GPR158: variants seen among roughly 807,000 people sequenced by gnomAD.
GPR158 encodes the protein metabotropic glycine receptor.
GPR158 carries 30 observed loss-of-function variants against 78.2 expected under a neutral mutation model. The observed-to-expected ratio is 0.38, with a 90% confidence interval of 0.29 to 0.52. The LOEUF (loss-of-function observed/expected upper bound fraction) is 0.52, where lower values mean the gene tolerates loss of function less well. Among genes scored for constraint, GPR158 ranks in the 20% least tolerant of loss-of-function variants. GPR158 has a pLI of 0.83. For synonymous variants in GPR158, 581 were observed against 591.1 expected (o/e 0.98, Z 0.25); for missense variants, 1,463 against 1,523.5 (o/e 0.96, Z 0.66).
At position 25,518,588 on chromosome 10, in the gene GPR158, G is replaced by A. The variant is rs1354027099; in HGVS notation, c.1405-32388G>A. Among the ~76,000 whole-genome samples, 53 of 22,206 alleles carry A rather than the reference G, an allele frequency of 2.4e-3. 8 individuals carry two copies. In the South Asian group the frequency reaches 0.026, roughly 11 times the overall value. The allele number at this position is 22,206 out of a possible 152,430, so 14.6% of individuals were successfully genotyped here. A position where few individuals can be genotyped will look rare whatever the true frequency, so the allele number is the denominator to read the frequency against. ...GTATGTGGTGTCTTTGTTCTCATTG[G>A]TTTCAAAGAACATCTTTATTTCTGC... is the stretch of plus-strand genomic sequence containing the variant. On this transcript the variant is annotated intron_variant, in intron 5 of 10. Transcript: ENST00000376351.
chr10:25,456,326 G>A (rs762884966), intron 4 of GPR158, among the ~76,000 whole-genome samples: 2 of 152,146 alleles, frequency 1.3e-5, no homozygotes, highest in African/African-American at 4.8e-5. Context: ...GTCCTGGAAT[G>A]TTTAGGCTAT....
At chr10:25,268,176 A>G (rs1204496124) in intron 2 of GPR158, among the ~76,000 whole-genome samples, 1 of 152,182 alleles carries the variant, frequency 6.6e-6, no homozygotes, top group Non-Finnish European at 1.5e-5. Context: ...AATCAAATGA[A>G]TACTCAATAA....
At chr10:25,341,514 A>G (rs61855505) in intron 2 of GPR158, among the ~76,000 whole-genome samples, 3,120 of 152,090 alleles carry the variant, frequency 0.021, 55 homozygotes, top group Non-Finnish European at 0.029. Context: ...AAAATGAAAT[A>G]ATAAATAATG....
chr10:25,222,173 G>T (rs1034224014), intron 2 of GPR158, among the ~76,000 whole-genome samples: 1 of 151,558 alleles, frequency 6.6e-6, no homozygotes, highest in Non-Finnish European at 1.5e-5. Context: ...CACCCACCAC[G>T]CATACTCCTG....
chr10:25,470,691 AT>A (rs1175070066), intron 5 of GPR158, among the ~76,000 whole-genome samples: 1 of 152,232 alleles, frequency 6.6e-6, no homozygotes, highest in African/African-American at 2.4e-5. Context: ...CACTTCCTGT[AT>A]AAATGGAGTG....
intron 2 of GPR158, among the ~76,000 whole-genome samples, chr10:25,391,751 C>T (rs1834301327): frequency 6.6e-6 from 1 of 152,086 alleles, no homozygotes; most frequent in African/African-American, 2.4e-5. Flanking sequence ...CTTTGGGGAA[C>T]AGTTGGGAAG....
chr10:25,426,306 A>G (rs1834819303), intron 4 of GPR158, among the ~76,000 whole-genome samples: 1 of 152,114 alleles, frequency 6.6e-6, no homozygotes, highest in Non-Finnish European at 1.5e-5. Context: ...TAACATTCGT[A>G]TGTTCACTGG....
chr10:25,337,216 T>G (rs1473907535), intron 2 of GPR158, among the ~76,000 whole-genome samples: 1 of 152,074 alleles, frequency 6.6e-6, no homozygotes, highest in Non-Finnish European at 1.5e-5. Context: ...TAATTGACAC[T>G]CAATGAGTTT....
chr10:25,176,548 T>C lies in GPR158; in HGVS notation c.902+226T>C, dbSNP rs1211193863. 1.3e-5 allele frequency among the ~76,000 whole-genome samples: 2 copies of C among 152,168 alleles called. No individual in the cohort carries two copies. Among genetic ancestry groups the C allele is most frequent in the Non-Finnish European group, 1.5e-5 (1 of 68,026 alleles). ...GGCGCTCGGCGAAAGCCATTCATTC[T>C]CTCGGACCAGTTTCCCCGCACTGGG... On this transcript the variant is annotated intron_variant, in intron 1 of 10. Transcript: ENST00000376351. This position sits in a 1 kb window ranked among gnomAD's most constrained non-coding sequence, Gnocchi z 6.3.
intron 4 of GPR158, among the ~76,000 whole-genome samples, chr10:25,452,017 T>TTTGG (rs1564459379): frequency 6.6e-5 from 10 of 151,272 alleles, no homozygotes; most frequent in South Asian, 2.1e-4. Flanking sequence ...TTTTGTTTTG[T>TTTGG]TTTGGTTTGG....
chr10:25,444,433 A>G (rs928259432), intron 4 of GPR158, among the ~76,000 whole-genome samples: 2 of 149,564 alleles, frequency 1.3e-5, no homozygotes, highest in African/African-American at 4.9e-5. Flanking sequence ...ATGTGTGTGT[A>G]TGTGGTGTTT....
chr10:25,595,276 C>T (rs1416904429), intron 9 of GPR158, among the ~76,000 whole-genome samples: 1 of 152,016 alleles, frequency 6.6e-6, no homozygotes, highest in Non-Finnish European at 1.5e-5. Context: ...AACAAGATAC[C>T]TATTTTATTC....
At chr10:25,311,515 C>G (rs575834740) in intron 2 of GPR158, among the ~76,000 whole-genome samples, 1 of 151,954 alleles carries the variant, frequency 6.6e-6, no homozygotes, top group Admixed American at 6.6e-5. Flanking sequence ...TATGTTGAGT[C>G]TGGGTTTTGA....
intron 2 of GPR158, among the ~76,000 whole-genome samples, chr10:25,381,413 TGA>T (rs1475111610): frequency 6.6e-6 from 1 of 152,154 alleles, no homozygotes; most frequent in Non-Finnish European, 1.5e-5. Context: ...AATTTAGGGT[TGA>T]GAGACAGTTT....
chr10:25,289,710 G>A lies in GPR158; in HGVS notation c.1008+68553G>A, dbSNP rs147381595. ...GCTGAAATTACAGGTGTGAGCCACC[G>A]CGCCCAGCCGAACATTTAAATGTTT... On this transcript the variant is annotated intron_variant, in intron 2 of 10. Coordinates refer to ENST00000376351, the MANE Select transcript of GPR158 (RefSeq NM_020752.3). 2.8e-4 allele frequency among the ~76,000 whole-genome samples: 43 copies of A among 152,180 alleles called. No individual in the cohort carries two copies. In the East Asian group the frequency reaches 5.8e-3, roughly 21 times the overall value.
chr10:25,514,677 A>C (rs985171242), intron 5 of GPR158, among the ~76,000 whole-genome samples: 2 of 152,004 alleles, frequency 1.3e-5, no homozygotes, highest in African/African-American at 4.8e-5. Flanking sequence ...CAAGATTTAG[A>C]GCTCCTTTTA....
At chr10:25,353,616 A>G (rs981359508) in intron 2 of GPR158, among the ~76,000 whole-genome samples, 26 of 152,176 alleles carry the variant, frequency 1.7e-4, no homozygotes, top group Non-Finnish European at 3.8e-4. Flanking sequence ...CTCCCCTGCT[A>G]CTAAATCACA....
At chr10:25,236,388 G>C (rs1025262847) in intron 2 of GPR158, among the ~76,000 whole-genome samples, 106 of 152,134 alleles carry the variant, frequency 7.0e-4, no homozygotes, top group African/African-American at 2.4e-3. Flanking sequence ...GGTGCCTGTA[G>C]TCCCAGCTAC....
chr10:25,313,168 G>A (rs1261978109), intron 2 of GPR158, among the ~76,000 whole-genome samples: 1 of 146,544 alleles, frequency 6.8e-6, no homozygotes, highest in Non-Finnish European at 1.5e-5. Flanking sequence ...AGTGAAGTAT[G>A]TATTTGCCCA....
Sources: allele counts gnomAD v4.1 joint callset (sites outside exome capture counted in the v4.1 genomes callset), GRCh38; gene constraint gnomAD v4.1.1; non-coding constraint Gnocchi (gnomAD v3.1); transcripts MANE v1.5; gene names NCBI Gene and HGNC (gene_info 2026-07-23, HGNC 2026-07-21).